The following LPAR2 variants were observed in gnomAD, a reference collection of about 807,000 sequenced individuals.
LPAR2 encodes G protein-coupled receptor.
A neutral mutation model predicts 15.6 loss-of-function variants in LPAR2; 10 were observed. The observed-to-expected ratio is 0.64, with a 90% CI of 0.39 to 1.09. The LOEUF (loss-of-function observed/expected upper bound fraction) is 1.09, where lower values mean the gene tolerates loss of function less well. Ranked by LOEUF, LPAR2 falls within the 50% of genes least tolerant of loss-of-function variation. The pLI, the probability that LPAR2 is intolerant of heterozygous loss-of-function variation, is 0.01. For synonymous variants in LPAR2, 204 were observed against 207.4 expected, an observed-to-expected ratio of 0.98 and a Z score of 0.14; for missense variants, 413 against 484.6, an observed-to-expected ratio of 0.85 and a Z score of 1.39.
chr19:19,624,623 A>G (rs1031655710), intron 2 of LPAR2, 54 bp from the exon 3 acceptor site: 14 of 1,470,180 alleles, frequency 9.5e-6, no homozygotes, highest in Admixed American at 1.9e-5. Context: ...CCCGGCACCT[A>G]CAGCTCTCAG....
At position 19,626,453 on chromosome 19, in the gene LPAR2, C is replaced by CA; in HGVS notation, c.742+89dup. 2 of 1,463,330 alleles carry CA rather than the reference C, an allele frequency of 1.4e-6. No individual in the cohort carries two copies. Among genetic ancestry groups the CA allele is most frequent in the Non-Finnish European group, 1.8e-6 (2 of 1,083,440 alleles). 90.6% of individuals were successfully genotyped at this position (1,463,330 alleles called of 1,614,324 possible). On this transcript the variant is annotated intron_variant, in intron 2 of 2. Coordinates refer to ENST00000407877, the MANE Select transcript of LPAR2 (RefSeq NM_004720.7). This position sits in a 1 kb window ranked among gnomAD's most constrained non-coding sequence, Gnocchi z 5.3. ...TAAATCATCCCCCATCACCCTCTATCAGGTAGCTTGTTTTGTTCATTGCTT... is the reference window on the plus strand; with the variant it reads ...TAAATCATCCCCCATCACCCTCTATCAAGGTAGCTTGTTTTGTTCATTGCTT...
rs1343225486 is a variant in LPAR2 at position 19,627,252 on chromosome 19, C to T, written c.33G>A (p.Glu11=). Reference sequence around the variant, plus strand: ...TGTTGTTATAGAAGAAGCCGATGGTCTCGTTGTAGTAGCACTGGCCCATGA... The same window carrying T: ...TGTTGTTATAGAAGAAGCCGATGGTTTCGTTGTAGTAGCACTGGCCCATGA... Residue 11 remains glutamate, a synonymous_variant, in exon 2 of 3, where the codon GAG becomes GAA. Transcript: ENST00000407877. The surrounding 1 kb of genome is among the most constrained non-coding windows in gnomAD (Gnocchi z 4.7). The T allele has an allele frequency of 3.1e-6, 5 of 1,605,466 alleles. No individual in the cohort carries two copies. The highest frequency in any genetic ancestry group is 3.4e-6 in the Non-Finnish European group (4 of 1,179,920).
rs2061740663 is a variant in LPAR2, at chr19:19,626,553, G to A, written c.732C>T (p.Val244=). The A allele has an allele frequency of 6.3e-7, 1 of 1,599,748 alleles. No individual in the cohort carries two copies. ...GGGGGCCCCACTTACCCAGGATGAT[G>A]ACAACAGTCTTGACCAGGCTGAGCG... Residue 244 remains valine (V), a synonymous_variant, in exon 2 of 3, where the codon GTC becomes GTT. Transcript: ENST00000407877. This position sits in a 1 kb window ranked among gnomAD's most constrained non-coding sequence, Gnocchi z 5.3.
In LPAR2 at chr19:19,627,163, G is replaced by A; in HGVS notation, c.122C>T (p.Thr41Ile). The change falls in exon 2 of 3, where the codon ACC (threonine) becomes ATC (isoleucine). Residue 41 changes from threonine to isoleucine, a missense_variant. Thr to Ile is a moderately conservative substitution (Grantham distance 89). Transcript: ENST00000407877. The surrounding 1 kb of genome is among the most constrained non-coding windows in gnomAD (Gnocchi z 4.7). The stretch of plus-strand genomic sequence containing the variant: ...GGTCAGCAGCACCAGCACGCTGACG[G>A]TCAGCCCCAGTGCCACCACGACCAC... The A allele has an allele frequency of 1.2e-6, 2 of 1,613,218 alleles. No homozygotes were observed. Among genetic ancestry groups the A allele is most frequent in the Non-Finnish European group, 1.7e-6 (2 of 1,179,996 alleles).
In LPAR2 at chr19:19,624,930, C is replaced by T. The variant is rs541447931; in HGVS notation, c.743-361G>A. On this transcript the variant is annotated intron_variant, in intron 2 of 2. Transcript: ENST00000407877. The stretch of plus-strand genomic sequence containing the variant: ...CCAGGTTCAAGCAATTCCCCCACCT[C>T]AGCCTCCCAAGTAGCTGGGACTACA... Among the ~76,000 whole-genome samples, 10 of 151,886 alleles carry T rather than the reference C, an allele frequency of 6.6e-5. No homozygotes were observed. The East Asian group carries it at 1.9e-3, about 29-fold the overall frequency.
Position 19,624,060 on chromosome 19 carries a change from A to T in LPAR2, c.*196T>A. On this transcript the variant is annotated 3_prime_UTR_variant, in exon 3 of 3. Transcript: ENST00000407877. ...TGCACCCCATCTGACTCCCCCAGGC[A>T]GTGGGAGATGACCCAAAGCCCCCAT... 1 of 620,536 alleles carries T rather than the reference A, an allele frequency of 1.6e-6. No homozygotes were observed. Among genetic ancestry groups the T allele is most frequent in the Non-Finnish European group, 2.9e-6 (1 of 350,452 alleles). 38.4% of individuals were successfully genotyped at this position (620,536 alleles called of 1,614,324 possible).
rs2061742171 is a variant in LPAR2 at position 19,626,728 on chromosome 19, C to T, written c.557G>A (p.Ser186Asn). Residue 186 changes from serine to asparagine, a missense_variant, in exon 2 of 3, where the codon AGC (serine) becomes AAC (asparagine). By Grantham distance (46) the Ser-to-Asn change is conservative (BLOSUM62 1). Coordinates refer to ENST00000407877, the MANE Select transcript of LPAR2 (RefSeq NM_004720.7). This position sits in a 1 kb window ranked among gnomAD's most constrained non-coding sequence, Gnocchi z 5.3. ...AGCCCAGACGGCCAAATAGGAGCGG[C>T]TGAGCAGGGGTGCCATGCGTGAGCA... 8 of 1,613,412 alleles carry T rather than the reference C, an allele frequency of 5.0e-6. No homozygotes were observed. The highest frequency in any genetic ancestry group is 6.8e-6 in the Non-Finnish European group (8 of 1,179,956).
chr19:19,625,247 T>C (rs2061734252), intron 2 of LPAR2, among the ~76,000 whole-genome samples: 1 of 151,844 alleles, frequency 6.6e-6, no homozygotes, highest in Non-Finnish European at 1.5e-5. Context: ...GGCAGGACAA[T>C]CACTTGAGGC....
chr19:19,625,461 G>A (rs1375578126), intron 2 of LPAR2, among the ~76,000 whole-genome samples: 2 of 151,976 alleles, frequency 1.3e-5, no homozygotes, highest in Non-Finnish European at 2.9e-5. Context: ...GTAAGATCCT[G>A]TATCTTAAAA....
At chr19:19,625,914 G>C (rs1406424503) in intron 2 of LPAR2, among the ~76,000 whole-genome samples, 1 of 125,522 alleles carries the variant, frequency 8.0e-6, no homozygotes, top group African/African-American at 3.1e-5. Flanking sequence ...CTGGAGTTTC[G>C]CTCTTGTTGC....
Position 19,624,009 on chromosome 19 carries a change from C to T in LPAR2, c.*247G>A, listed in dbSNP as rs2061727425. 1 of 551,738 alleles carries T rather than the reference C, an allele frequency of 1.8e-6. No homozygotes were observed. 34.2% of individuals were successfully genotyped at this position (551,738 alleles called of 1,614,324 possible). The stretch of plus-strand genomic sequence containing the variant: ...AATGTCTGTTACAAACCCCCTAAAC[C>T]TGAGATGGCTGAAGAGCCAGATTCC... On this transcript the variant is annotated 3_prime_UTR_variant, in exon 3 of 3. Coordinates refer to ENST00000407877, the MANE Select transcript of LPAR2 (RefSeq NM_004720.7).
chr19:19,627,328 A>G lies in LPAR2; in HGVS notation c.1-44T>C. 1 of 1,564,364 alleles carries G rather than the reference A, an allele frequency of 6.4e-7. No individual in the cohort carries two copies. The highest frequency in any genetic ancestry group is 1.2e-5 in the South Asian group (1 of 86,712). The stretch of plus-strand genomic sequence containing the variant: ...AGTGCATGTGGCACTTCTTGGAAGG[A>G]CACAGGGAGGGGCGGCAGCTGCAGA... On this transcript the variant is annotated intron_variant, in intron 1 of 2. Coordinates refer to ENST00000407877, the MANE Select transcript of LPAR2 (RefSeq NM_004720.7). The surrounding 1 kb of genome is among the most constrained non-coding windows in gnomAD (Gnocchi z 4.7).
Position 19,627,210 on chromosome 19 carries a change from G to C in LPAR2, c.75C>G (p.Ser25Arg). The change falls in exon 2 of 3, where the codon AGC becomes AGG. Residue 25 changes from serine to arginine, a missense_variant. Physicochemically the swap from Ser to Arg is moderately radical, Grantham distance 110 (BLOSUM62 -1). Coordinates refer to ENST00000407877, the MANE Select transcript of LPAR2 (RefSeq NM_004720.7). This position sits in a 1 kb window ranked among gnomAD's most constrained non-coding sequence, Gnocchi z 4.7. ...CCACATCCTTGGGCCGCCAGTGGGA[G>C]CTGAGCTCTTTGCCACTGTTGTTAT... 1 of 1,612,268 alleles carries C rather than the reference G, an allele frequency of 6.2e-7. No individual in the cohort carries two copies.
Position 19,625,566 on chromosome 19 carries a change from C to T in LPAR2, c.742+977G>A, listed in dbSNP as rs140572786. ...TTGGGAGGCCAAGGCGGGTGGATCACGAGGTCAAGACATCGAGACCATCCT... is the reference window on the plus strand; with the variant it reads ...TTGGGAGGCCAAGGCGGGTGGATCATGAGGTCAAGACATCGAGACCATCCT... On this transcript the variant is annotated intron_variant, in intron 2 of 2. Coordinates refer to ENST00000407877, the MANE Select transcript of LPAR2 (RefSeq NM_004720.7). Among the ~76,000 whole-genome samples the T allele has an allele frequency of 7.1e-3, 1,078 of 151,748 alleles. 17 individuals are homozygous for T. The highest frequency in any genetic ancestry group is 0.025 in the African/African-American group (1,028 of 41,412).
rs2061730359 is a variant in LPAR2 at position 19,624,473 on chromosome 19, A to C, written c.839T>G (p.Phe280Cys). 1 of 1,613,920 alleles carries C rather than the reference A, an allele frequency of 6.2e-7. No homozygotes were observed. The highest frequency in any genetic ancestry group is 1.3e-5 in the African/African-American group (1 of 74,906). Residue 280 changes from phenylalanine (F) to cysteine (C), a missense_variant, in exon 3 of 3, where the codon TTC (phenylalanine) becomes TGC (cysteine). Physicochemically the swap from Phe to Cys is radical, Grantham distance 205 (BLOSUM62 -2). Coordinates refer to ENST00000407877, the MANE Select transcript of LPAR2 (RefSeq NM_004720.7). ...GGAGTTGGCCTCGGCCAACAGTAGG[A>C]AGTACTTTTCTACAGCCAGGACATT...
chr19:19,627,357 G>A lies in LPAR2; in HGVS notation c.1-73C>T. The stretch of plus-strand genomic sequence containing the variant: ...AGGGAGGGGCGGCAGCTGCAGAGGA[G>A]GGTCAGCGCAGGAAGGACAAGGGTC... On this transcript the variant is annotated intron_variant, in intron 1 of 2. Coordinates refer to ENST00000407877, the MANE Select transcript of LPAR2 (RefSeq NM_004720.7). This position sits in a 1 kb window ranked among gnomAD's most constrained non-coding sequence, Gnocchi z 4.7. 6.8e-7 allele frequency: 1 copy of A among 1,464,980 alleles called. No homozygotes were observed. Among genetic ancestry groups the A allele is most frequent in the Non-Finnish European group, 9.3e-7 (1 of 1,077,124 alleles). The allele number at this position is 1,464,980 out of a possible 1,614,324, so 90.7% of individuals were successfully genotyped here. A position where few individuals can be genotyped will look rare whatever the true frequency, so the allele number is the denominator to read the frequency against.
In LPAR2 at chr19:19,623,843, C is replaced by T. The variant is rs2061726713; in HGVS notation, c.*413G>A. 5.5e-6 allele frequency: 1 copy of T among 181,560 alleles called. No individual in the cohort carries two copies. Among genetic ancestry groups the T allele is most frequent in the Non-Finnish European group, 1.2e-5 (1 of 85,800 alleles). The allele number at this position is 181,560 out of a possible 1,614,324, so 11.2% of individuals were successfully genotyped here. ...ATCAGACTCAGGTAGATGGGGTGTC[C>T]ACAGTCTGTCCTCATTACCCAGTCA... On this transcript the variant is annotated 3_prime_UTR_variant, in exon 3 of 3. Coordinates refer to ENST00000407877, the MANE Select transcript of LPAR2 (RefSeq NM_004720.7).
intron 2 of LPAR2, 149 bp from the exon 3 acceptor site, chr19:19,624,718 T>G: frequency 3.1e-6 from 2 of 655,112 alleles, no homozygotes. Context: ...GATTCTGCAG[T>G]GTGACAGGAA....
At position 19,626,322 on chromosome 19, in the gene LPAR2, G is replaced by C. The variant is rs1429451977; in HGVS notation, c.742+221C>G. ...GGCTCTGGCCTCGTACTGCCTTGAG[G>C]TTTTTACTTTCCGTTTCCTCTGCCT... On this transcript the variant is annotated intron_variant, in intron 2 of 2. Coordinates refer to ENST00000407877, the MANE Select transcript of LPAR2 (RefSeq NM_004720.7). This position sits in a 1 kb window ranked among gnomAD's most constrained non-coding sequence, Gnocchi z 5.3. Among the ~76,000 whole-genome samples the C allele has an allele frequency of 6.6e-6, 1 of 152,222 alleles. No individual in the cohort carries two copies. Among genetic ancestry groups the C allele is most frequent in the Admixed American group, 6.5e-5 (1 of 15,284 alleles).
Sources: allele counts gnomAD v4.1 joint callset (sites outside exome capture counted in the v4.1 genomes callset), GRCh38; gene constraint gnomAD v4.1.1; non-coding constraint Gnocchi (gnomAD v3.1); transcripts MANE v1.5; gene names NCBI Gene and HGNC (gene_info 2026-07-23, HGNC 2026-07-21).